PIK3CD: variants seen among roughly 807,000 people sequenced by gnomAD.
PIK3CD encodes the protein phosphatidylinositol 4,5-bisphosphate 3-kinase catalytic subunit delta isoform.
PIK3CD carries 20 observed loss-of-function variants against 122.9 expected under a neutral mutation model. The observed-to-expected ratio is 0.16, with a 90% CI of 0.11 to 0.24. PIK3CD has a LOEUF of 0.24. Among genes scored for constraint, PIK3CD ranks in the 10% least tolerant of loss-of-function variants. The pLI is 1.00. For missense variants in PIK3CD, 787 were observed against 1,406.3 expected (o/e 0.56, Z 7.04); for synonymous variants, 596 against 593.4 (o/e 1.00, Z -0.06).
rs980642855 is a variant in PIK3CD, at chr1:9,720,989, A to T, written c.1689+80A>T. 4.4e-5 allele frequency: 64 copies of T among 1,457,574 alleles called. No homozygotes were observed. Among genetic ancestry groups the T allele is most frequent in the Non-Finnish European group, 5.7e-5 (61 of 1,074,328 alleles). 90.3% of individuals were successfully genotyped at this position (1,457,574 alleles called of 1,614,324 possible). A position where few individuals can be genotyped will look rare whatever the true frequency, so the allele number is the denominator to read the frequency against. On this transcript the variant is annotated intron_variant, in intron 13 of 23. Transcript: ENST00000377346. This position sits in a 1 kb window ranked among gnomAD's most constrained non-coding sequence, Gnocchi z 9.0. The stretch of plus-strand genomic sequence containing the variant: ...CTACCCACCACCCTGACCCCGGCCA[A>T]CCCCCACCCTCACCCTGGCCAACCT...
At chr1:9,693,877 G>A (rs924179018) in intron 2 of PIK3CD, among the ~76,000 whole-genome samples, 1 of 152,080 alleles carries the variant, frequency 6.6e-6, no homozygotes, top group African/African-American at 2.4e-5. Flanking sequence ...GAAAGGTGGT[G>A]TGTGCAGGGT....
intron 2 of PIK3CD, among the ~76,000 whole-genome samples, chr1:9,707,524 C>T (rs989580059): frequency 6.6e-6 from 1 of 152,144 alleles, no homozygotes; most frequent in Non-Finnish European, 1.5e-5. Flanking sequence ...TCCCACCCTC[C>T]ACCCTCAGGC....
intron 1 of PIK3CD, 85 bp from the exon 2 acceptor site, chr1:9,691,382 C>T (rs537335529): frequency 1.0e-5 from 4 of 394,532 alleles, no homozygotes; most frequent in South Asian, 1.4e-4. Flanking sequence ...TTTGAGCTAA[C>T]GTCCTGTAAG....
chr1:9,718,015 G>A lies in PIK3CD; in HGVS notation c.1020+389G>A. 3 of 467,380 alleles carry A rather than the reference G, an allele frequency of 6.4e-6. No individual in the cohort carries two copies. Among genetic ancestry groups the A allele is most frequent in the Middle Eastern group, 7.0e-4 (2 of 2,850 alleles). 29.0% of individuals were successfully genotyped at this position (467,380 alleles called of 1,614,324 possible). The stretch of plus-strand genomic sequence containing the variant: ...GGCACCAGGGCGGTGCCTGCAGCCT[G>A]TGAGGGCTGCACCTGCCTCAACCTC... On this transcript the variant is annotated intron_variant, in intron 8 of 23. Transcript: ENST00000377346. This position sits in a 1 kb window ranked among gnomAD's most constrained non-coding sequence, Gnocchi z 7.2.
At chr1:9,685,708 A>G (rs562325067) in intron 1 of PIK3CD, among the ~76,000 whole-genome samples, 2 of 152,308 alleles carry the variant, frequency 1.3e-5, no homozygotes, top group South Asian at 4.1e-4. Flanking sequence ...TGTGTTGTCC[A>G]GGCTCGAGTG....
Position 9,715,703 on chromosome 1 carries a change from G to A in PIK3CD, c.304G>A (p.Val102Met), listed in dbSNP as rs1647296006. Residue 102 changes from valine to methionine, a missense_variant, in exon 4 of 24, where the codon GTG (valine) becomes ATG (methionine). Around this residue, in one of 6 missense-constraint regions of PIK3CD, gnomAD observed 592 missense variants for 920.6 expected, o/e 0.64. Transcript: ENST00000377346. This position sits in a 1 kb window ranked among gnomAD's most constrained non-coding sequence, Gnocchi z 4.1. ...VQPFLPVLRL[V>M]AREGDRVKKL... is the part of the protein sequence containing the mutation. ...GCCCTTCCTGCCCGTCCTGCGCCTG[G>A]TGGCCCGTGAGGGCGACCGCGTGAA... 7 of 1,613,500 alleles carry A rather than the reference G, an allele frequency of 4.3e-6. No homozygotes were observed. In the African/African-American group the frequency reaches 5.3e-5, roughly 12 times the overall value.
chr1:9,637,047 G>A, the PIK3CD span, among the ~76,000 whole-genome samples: 4 of 152,032 alleles, frequency 2.6e-5, no homozygotes, highest in South Asian at 2.1e-4. Flanking sequence ...ACAGGCGCCC[G>A]CCACCACGCC....
rs373116206 is a variant in PIK3CD at position 9,717,518 on chromosome 1, C to G, written c.931-19C>G. 3.0e-4 allele frequency: 490 copies of G among 1,612,956 alleles called. No homozygotes were observed. In the Middle Eastern group the frequency reaches 8.6e-3, roughly 28 times the overall value. On this transcript the variant is annotated intron_variant, in intron 7 of 23. Transcript: ENST00000377346. This position sits in a 1 kb window ranked among gnomAD's most constrained non-coding sequence, Gnocchi z 5.4. The stretch of plus-strand genomic sequence containing the variant: ...TGCACTTTGAGCCGTGTTAACAGCC[C>G]TGCTTCCCCGGCCCCCAGCCTTCCT...
chr1:9,726,881 C>T (rs370920817), intron 23 of PIK3CD, 28 bp from the exon 24 acceptor site: 59 of 1,613,576 alleles, frequency 3.7e-5, no homozygotes, highest in Admixed American at 1.7e-4. Flanking sequence ...GCCCCCTTAA[C>T]GTGGACACCG....
chr1:9,659,477 C>T (rs576691758), intron 1 of PIK3CD, among the ~76,000 whole-genome samples: 65 of 152,256 alleles, frequency 4.3e-4, no homozygotes, highest in Non-Finnish European at 7.4e-4. Context: ...GTCACCACCG[C>T]CCACCCTCAG....
the PIK3CD span, among the ~76,000 whole-genome samples, chr1:9,640,054 TTC>T: frequency 7.8e-3 from 1,185 of 152,116 alleles, 16 homozygotes; most frequent in African/African-American, 0.027. Flanking sequence ...CTTTCTTTCT[TTC>T]TTTCATTGCT....
intron 1 of PIK3CD, among the ~76,000 whole-genome samples, chr1:9,686,318 T>C (rs545201248): frequency 2.0e-5 from 3 of 151,896 alleles, no homozygotes; most frequent in Admixed American, 2.0e-4. Context: ...CTTGGCCTCC[T>C]AAGTAGCTAG....
intron 2 of PIK3CD, among the ~76,000 whole-genome samples, chr1:9,706,326 CAA>C (rs373249969): frequency 8.4e-4 from 98 of 116,786 alleles, no homozygotes; most frequent in African/African-American, 2.2e-3. Flanking sequence ...CCCTGTACCT[CAA>C]AAAAAAAAAA....
At chr1:9,660,592 C>T (rs925883073) in intron 1 of PIK3CD, among the ~76,000 whole-genome samples, 6 of 152,160 alleles carry the variant, frequency 3.9e-5, no homozygotes, top group Admixed American at 6.6e-5. Flanking sequence ...ATACCATCGT[C>T]CTTCCCACCC....
chr1:9,674,066 C>A (rs879847569), intron 1 of PIK3CD, among the ~76,000 whole-genome samples: 5 of 152,126 alleles, frequency 3.3e-5, no homozygotes, highest in Admixed American at 1.3e-4. Context: ...GCGCCATTCA[C>A]CCCTGATTCT....
intron 1 of PIK3CD, among the ~76,000 whole-genome samples, chr1:9,663,577 T>A (rs1390524790): frequency 6.9e-6 from 1 of 144,114 alleles, no homozygotes; most frequent in African/African-American, 2.7e-5. Flanking sequence ...TTTTTATTTT[T>A]ATTTTTTTAA....
the PIK3CD span, among the ~76,000 whole-genome samples, chr1:9,642,276 C>A: frequency 2.0e-5 from 3 of 151,730 alleles, no homozygotes; most frequent in East Asian, 5.9e-4. Context: ...CCATGCCCAG[C>A]TAATTTTTGT....
chr1:9,689,574 C>A lies in PIK3CD; in HGVS notation c.-137-1893C>A, dbSNP rs1646114819. On this transcript the variant is annotated intron_variant, in intron 1 of 23. Coordinates refer to ENST00000377346, the MANE Select transcript of PIK3CD (RefSeq NM_005026.5). This position sits in a 1 kb window ranked among gnomAD's most constrained non-coding sequence, Gnocchi z 6.1. Reference sequence around the variant, plus strand: ...CGCCGAGCCCCGCTTGCCTGCACCTCGCGCGGCGGGCCTGCCCTCCGGCCC... The same window carrying A: ...CGCCGAGCCCCGCTTGCCTGCACCTAGCGCGGCGGGCCTGCCCTCCGGCCC... Among the ~76,000 whole-genome samples, 1 of 148,866 alleles carries A rather than the reference C, an allele frequency of 6.7e-6. No individual in the cohort carries two copies. Among genetic ancestry groups the A allele is most frequent in the Non-Finnish European group, 1.5e-5 (1 of 66,822 alleles).
Position 9,728,204 on chromosome 1 carries a change from A to C in PIK3CD, c.*1158A>C, listed in dbSNP as rs1057483. 1.3e-5 allele frequency: 2 copies of C among 152,270 alleles called. No homozygotes were observed. Among genetic ancestry groups the C allele is most frequent in the Admixed American group, 1.3e-4 (2 of 15,280 alleles). 9.4% of individuals were successfully genotyped at this position (152,270 alleles called of 1,614,324 possible). ...ATCACCTTTGGGAACCTGCTGTGAG[A>C]GTGCTGAGGTACCAGAAGTGTGAGA... On this transcript the variant is annotated 3_prime_UTR_variant, in exon 24 of 24. Transcript: ENST00000377346.
Sources: gnomAD v4.1 joint callset for allele counts (sites outside exome capture counted in the v4.1 genomes callset) on GRCh38, gnomAD v4.1.1 for gene constraint, gnomAD v4.1.1 regional missense constraint, Gnocchi (gnomAD v3.1) non-coding constraint, MANE v1.5 for transcripts, NCBI Gene and HGNC (gene_info 2026-07-23, HGNC 2026-07-21) for gene names.